OR10J1: variants seen among roughly 807,000 people sequenced by gnomAD.
OR10J1 encodes the protein olfactory receptor 10J1.
For synonymous variants in OR10J1, 202 were observed against 143.8 expected, an observed-to-expected ratio of 1.40 and a Z score of -2.89; for missense variants, 474 against 376.6, an observed-to-expected ratio of 1.26 and a Z score of -2.14.
chr1:159,440,046 C>G lies in OR10J1; in HGVS notation c.255C>G (p.Leu85=). 1 of 1,614,122 alleles carries G rather than the reference C, an allele frequency of 6.2e-7. No homozygotes were observed. Among genetic ancestry groups the G allele is most frequent in the Non-Finnish European group, 8.5e-7 (1 of 1,180,008 alleles). Residue 85 remains leucine (L), a synonymous_variant, in exon 1 of 1, where the codon CTC becomes CTG. Transcript: ENST00000423932. ...TTCTCCCAAGAATGCTCTCCAGCCT[C>G]GTAGGTATGAGCCAGCCCATATCAT... The part of the protein sequence containing the change: ...LVILPRMLSS[L]VGMSQPISLA...
chr1:159,413,219 G>T, the OR10J1 span, among the ~76,000 whole-genome samples: 3 of 152,220 alleles, frequency 2.0e-5, no homozygotes, highest in East Asian at 3.9e-4. Context: ...GGAGAAATAG[G>T]AACACTTTTA....
the OR10J1 span, among the ~76,000 whole-genome samples, chr1:159,420,216 C>A: frequency 1.3e-5 from 2 of 152,070 alleles, no homozygotes; most frequent in African/African-American, 2.4e-5. Context: ...ACGCTTCTTT[C>A]CTGGTAAGAT....
the OR10J1 span, among the ~76,000 whole-genome samples, chr1:159,411,770 G>A: frequency 2.0e-5 from 3 of 152,104 alleles, no homozygotes; most frequent in East Asian, 3.9e-4. Flanking sequence ...TTGCTCATTA[G>A]TTGATGCAGT....
At chr1:159,418,492 C>T in the OR10J1 span, among the ~76,000 whole-genome samples, 1 of 152,210 alleles carries the variant, frequency 6.6e-6, no homozygotes, top group South Asian at 2.1e-4. Context: ...GTCGAGCCTG[C>T]AGGTGAACAG....
the OR10J1 span, among the ~76,000 whole-genome samples, chr1:159,399,162 A>C: frequency 2.6e-5 from 4 of 152,280 alleles, no homozygotes; most frequent in South Asian, 2.1e-4. Context: ...GAAAAAAAAA[A>C]CTGTTAAGTC....
At chr1:159,418,370 A>G in the OR10J1 span, among the ~76,000 whole-genome samples, 4 of 152,044 alleles carry the variant, frequency 2.6e-5, no homozygotes, top group Non-Finnish European at 5.9e-5. Context: ...TGCACAGTCT[A>G]TTGGTGCCCT....
chr1:159,423,988 G>A, the OR10J1 span, among the ~76,000 whole-genome samples: 1 of 152,120 alleles, frequency 6.6e-6, no homozygotes, highest in Non-Finnish European at 1.5e-5. Flanking sequence ...AGGCTGAGGC[G>A]AGTGGGTCAC....
the OR10J1 span, among the ~76,000 whole-genome samples, chr1:159,418,756 G>A: frequency 6.6e-6 from 1 of 152,160 alleles, no homozygotes; most frequent in East Asian, 1.9e-4. Context: ...AGCTTGCACT[G>A]AGCACCTGGA....
chr1:159,413,390 G>A, the OR10J1 span, among the ~76,000 whole-genome samples: 9 of 151,808 alleles, frequency 5.9e-5, no homozygotes, highest in East Asian at 7.8e-4. Flanking sequence ...ACATGCACAC[G>A]TATGTTTATT....
the OR10J1 span, chr1:159,406,079 T>G: frequency 2.3e-6 from 1 of 431,100 alleles, no homozygotes; most frequent in African/African-American, 2.0e-5. Flanking sequence ...TGACACAGCC[T>G]TGCATGACAA....
At chr1:159,398,390 C>T in the OR10J1 span, among the ~76,000 whole-genome samples, 2 of 152,152 alleles carry the variant, frequency 1.3e-5, no homozygotes, top group African/African-American at 4.8e-5. Flanking sequence ...GAAAACATGA[C>T]CTTACCAAAT....
At chr1:159,438,249 A>G (rs962463582), upstream of OR10J1, among the ~76,000 whole-genome samples, 1 of 152,198 alleles carries the variant, frequency 6.6e-6, no homozygotes, top group African/African-American at 2.4e-5. Flanking sequence ...CTTCTACCTC[A>G]AGACAGACAA....
At chr1:159,412,119 C>T in the OR10J1 span, among the ~76,000 whole-genome samples, 6 of 151,864 alleles carry the variant, frequency 4.0e-5, no homozygotes, top group Non-Finnish European at 7.4e-5. Flanking sequence ...ACTTAGGAAG[C>T]CATCTTACAA....
rs116203586 is a variant in OR10J1 at position 159,439,879 on chromosome 1, G to A, written c.88G>A (p.Val30Met). 2.5e-4 allele frequency: 409 copies of A among 1,614,084 alleles called. 1 individual carries two copies. Among genetic ancestry groups the A allele is most frequent in the Admixed American group, 5.0e-4 (30 of 60,006 alleles). Residue 30 changes from valine to methionine, a missense_variant, in exon 1 of 1, where the codon GTG becomes ATG. Transcript: ENST00000423932. ...FHEQQITLFG[V>M]FLALYILTLA... Reference sequence around the variant, plus strand: ...TGAGCAGCAGATCACCCTTTTTGGCGTGTTCCTTGCACTATACATCTTAAC... The same window carrying A: ...TGAGCAGCAGATCACCCTTTTTGGCATGTTCCTTGCACTATACATCTTAAC...
upstream of OR10J1, among the ~76,000 whole-genome samples, chr1:159,434,431 C>T (rs1005421658): frequency 3.9e-5 from 6 of 152,096 alleles, no homozygotes; most frequent in African/African-American, 9.7e-5. Context: ...ATAATACACT[C>T]CTTTTCATAA....
the OR10J1 span, among the ~76,000 whole-genome samples, chr1:159,417,599 C>A: frequency 2.6e-5 from 4 of 152,158 alleles, no homozygotes; most frequent in Non-Finnish European, 5.9e-5. Flanking sequence ...AACTATGAGT[C>A]CACTAAACTT....
In OR10J1 at chr1:159,440,701, G is replaced by C. The variant is rs776144411; in HGVS notation, c.910G>C (p.Val304Leu). Residue 304 changes from valine to leucine, a missense_variant, in exon 1 of 1, where the codon GTT (valine) becomes CTT (leucine). Transcript: ENST00000423932. ...KEVKDALCRA[V>L]GGKFS Reference sequence around the variant, plus strand: ...GGTCAAAGATGCTCTGTGCAGGGCTGTTGGTGGGAAGTTTTCCTGACCATG... The same window carrying C: ...GGTCAAAGATGCTCTGTGCAGGGCTCTTGGTGGGAAGTTTTCCTGACCATG... The C allele has an allele frequency of 1.2e-6, 2 of 1,609,318 alleles. No individual in the cohort carries two copies. Among genetic ancestry groups the C allele is most frequent in the Non-Finnish European group, 1.7e-6 (2 of 1,176,582 alleles).
At chr1:159,431,633 C>A in the OR10J1 span, among the ~76,000 whole-genome samples, 1 of 152,156 alleles carries the variant, frequency 6.6e-6, no homozygotes, top group Non-Finnish European at 1.5e-5. Context: ...TACATACAGT[C>A]GCTGACTTTA....
chr1:159,422,468 A>T, the OR10J1 span, among the ~76,000 whole-genome samples: 1 of 152,186 alleles, frequency 6.6e-6, no homozygotes, highest in African/African-American at 2.4e-5. Flanking sequence ...GGGGCACTTA[A>T]AAGTGTGCAG....
Sources: allele counts gnomAD v4.1 joint callset (sites outside exome capture counted in the v4.1 genomes callset), GRCh38; gene constraint gnomAD v4.1.1; transcripts MANE v1.5; gene names NCBI Gene and HGNC (gene_info 2026-07-23, HGNC 2026-07-21).